The following GABBR2 variants were observed in gnomAD, a reference collection of about 807,000 sequenced individuals.
The protein encoded by GABBR2 is G-protein coupled receptor 51.
GABBR2 carries 23 observed loss-of-function variants against 105.6 expected under a neutral mutation model. That is an observed-to-expected ratio of 0.22 (90% CI 0.16 to 0.31). GABBR2 has a LOEUF of 0.31. Among genes scored for constraint, GABBR2 ranks in the 10% least tolerant of loss-of-function variants. GABBR2 has a pLI of 1.00. For missense variants in GABBR2, 734 were observed against 1,245.5 expected, an observed-to-expected ratio of 0.59 and a Z score of 6.18; for synonymous variants, 478 against 499.7, an observed-to-expected ratio of 0.96 and a Z score of 0.58.
At chr9:98,541,833 A>T (rs541985627) in intron 3 of GABBR2, 40 bp downstream of exon 3, 1 of 1,592,460 alleles carries the variant, frequency 6.3e-7, no homozygotes, top group East Asian at 2.2e-5. Flanking sequence ...TGACAGCAGC[A>T]AGCAGTAAGG....
chr9:98,586,282 TTC>T (rs1829074669), intron 1 of GABBR2, among the ~76,000 whole-genome samples: 1 of 136,682 alleles, frequency 7.3e-6, no homozygotes, highest in Non-Finnish European at 1.6e-5. Context: ...TCTCTTTTCT[TTC>T]TTTTTTTTTT....
chr9:98,669,680 G>A (rs956996701), intron 1 of GABBR2, among the ~76,000 whole-genome samples: 1 of 152,020 alleles, frequency 6.6e-6, no homozygotes, highest in African/African-American at 2.4e-5. Flanking sequence ...TAGGAAAATG[G>A]CAGAACATTA....
intron 3 of GABBR2, among the ~76,000 whole-genome samples, chr9:98,535,247 G>A (rs1177039441): frequency 1.2e-4 from 19 of 152,022 alleles, no homozygotes; most frequent in African/African-American, 3.6e-4. Context: ...ACAGGCGCCC[G>A]CTACCATGCC....
intron 6 of GABBR2, among the ~76,000 whole-genome samples, chr9:98,456,023 C>G (rs1394076933): frequency 6.6e-6 from 1 of 152,174 alleles, no homozygotes; most frequent in Non-Finnish European, 1.5e-5. Flanking sequence ...GAAACTCCCC[C>G]CAAATCCCAG....
chr9:98,437,426 C>A (rs2131582489), intron 7 of GABBR2, among the ~76,000 whole-genome samples: 1 of 151,774 alleles, frequency 6.6e-6, no homozygotes, highest in East Asian at 1.9e-4. Flanking sequence ...TCCATCCACC[C>A]ACCCACCTGT....
Position 98,454,545 on chromosome 9 carries a change from T to G in GABBR2, c.1000-328A>C, listed in dbSNP as rs1313006256. Among the ~76,000 whole-genome samples, 1 of 152,166 alleles carries G rather than the reference T, an allele frequency of 6.6e-6. No homozygotes were observed. Among genetic ancestry groups the G allele is most frequent in the Non-Finnish European group, 1.5e-5 (1 of 68,026 alleles). On this transcript the variant is annotated intron_variant, in intron 6 of 18. Transcript: ENST00000259455. The surrounding 1 kb of genome is among the most constrained non-coding windows in gnomAD (Gnocchi z 4.6). ...CCTAACCAGGCCTTTGCCTCTAAAC[T>G]TGCAGGGCCTGGGGTGAGGTAGAGG...
At chr9:98,327,870 AAAAAT>A (rs796455086) in intron 13 of GABBR2, among the ~76,000 whole-genome samples, 13 of 151,066 alleles carry the variant, frequency 8.6e-5, no homozygotes, top group African/African-American at 2.9e-4. Flanking sequence ...CTGTCTCAAA[AAAAAT>A]AAAATAAAAT....
intron 11 of GABBR2, among the ~76,000 whole-genome samples, chr9:98,380,777 T>A (rs901539873): frequency 6.6e-6 from 1 of 152,162 alleles, no homozygotes; most frequent in Non-Finnish European, 1.5e-5. Context: ...TGTGGGTGAA[T>A]CTGTGTGCAC....
At chr9:98,521,105 G>A (rs1827855689) in intron 3 of GABBR2, among the ~76,000 whole-genome samples, 1 of 152,174 alleles carries the variant, frequency 6.6e-6, no homozygotes, top group Non-Finnish European at 1.5e-5. Flanking sequence ...AAGCACAGAT[G>A]TCCAACTCCC....
At chr9:98,582,851 C>T (rs940941924) in intron 1 of GABBR2, among the ~76,000 whole-genome samples, 16 of 152,166 alleles carry the variant, frequency 1.1e-4, no homozygotes, top group African/African-American at 3.9e-4. Context: ...GTGTGAAATC[C>T]CAACATCTAG....
At position 98,684,169 on chromosome 9, in the gene GABBR2, T is replaced by TTAAAAAAAAAAAAAA. The variant is rs376323708; in HGVS notation, c.321+24247_321+24248insTTTTTTTTTTTTTTA. ...AAAAGAAGAATGCATTTTACCACGG[T>TTAAAAAAAAAAAAAA]AAAAAAAAAAAAAAAAAAAAAAAAA... On this transcript the variant is annotated intron_variant, in intron 1 of 18. Coordinates refer to ENST00000259455, the MANE Select transcript of GABBR2 (RefSeq NM_005458.8). 2.4e-4 allele frequency among the ~76,000 whole-genome samples: 16 copies of TTAAAAAAAAAAAAAA among 66,138 alleles called. 2 individuals carry two copies. Among genetic ancestry groups the TTAAAAAAAAAAAAAA allele is most frequent in the South Asian group, 1.0e-3 (2 of 1,952 alleles). The allele number at this position is 66,138 out of a possible 152,430, so 43.4% of individuals were successfully genotyped here.
At chr9:98,526,468 A>G (rs1052296621) in intron 3 of GABBR2, among the ~76,000 whole-genome samples, 1 of 152,112 alleles carries the variant, frequency 6.6e-6, no homozygotes, top group Non-Finnish European at 1.5e-5. Flanking sequence ...CTGCCCAAAC[A>G]TCACCTCTTT....
intron 8 of GABBR2, among the ~76,000 whole-genome samples, chr9:98,395,764 T>C (rs1451089216): frequency 6.6e-6 from 1 of 151,072 alleles, no homozygotes; most frequent in Non-Finnish European, 1.5e-5. Flanking sequence ...ATGAAGCAGA[T>C]TTAGGGAAAG....
chr9:98,356,990 AT>A (rs1477342993), intron 13 of GABBR2, among the ~76,000 whole-genome samples: 1 of 152,250 alleles, frequency 6.6e-6, no homozygotes, highest in Non-Finnish European at 1.5e-5. Flanking sequence ...ACTATATGAC[AT>A]TCTGGAAAAG....
At chr9:98,643,657 G>A (rs1460086750) in intron 1 of GABBR2, among the ~76,000 whole-genome samples, 1 of 152,130 alleles carries the variant, frequency 6.6e-6, no homozygotes, top group Non-Finnish European at 1.5e-5. Flanking sequence ...ATTTTCCTTG[G>A]GGAACTGCCC....
At chr9:98,310,057 C>T (rs1399849334) in intron 14 of GABBR2, among the ~76,000 whole-genome samples, 1 of 152,132 alleles carries the variant, frequency 6.6e-6, no homozygotes, top group Non-Finnish European at 1.5e-5. Context: ...GGTGACTTAA[C>T]CTCCCTGTGG....
At chr9:98,311,427 T>C (rs1169058765) in intron 13 of GABBR2, among the ~76,000 whole-genome samples, 2 of 152,186 alleles carry the variant, frequency 1.3e-5, no homozygotes, top group Non-Finnish European at 2.9e-5. Context: ...TGCACTCCAG[T>C]TCTCTGCATA....
intron 6 of GABBR2, among the ~76,000 whole-genome samples, chr9:98,464,213 C>A (rs1826491544): frequency 6.6e-6 from 1 of 150,604 alleles, no homozygotes. Flanking sequence ...GGCCACCCAT[C>A]ATCTGGGATG....
Position 98,648,116 on chromosome 9 carries a change from T to TGTGTGTGTGTATAGATAGATAG in GABBR2, c.321+60300_321+60301insCTATCTATCTATACACACACAC. Among the ~76,000 whole-genome samples the TGTGTGTGTGTATAGATAGATAG allele has an allele frequency of 7.9e-3, 442 of 55,906 alleles. 4 individuals carry two copies. Among genetic ancestry groups the TGTGTGTGTGTATAGATAGATAG allele is most frequent in the African/African-American group, 0.015 (222 of 14,566 alleles). 36.7% of individuals were successfully genotyped at this position (55,906 alleles called of 152,430 possible). ...GTGTGTGTGTGTGTGTGTGTGTGTGTATAGATAGATAGATAGATAGATAGA... is the reference window on the plus strand; with the variant it reads ...GTGTGTGTGTGTGTGTGTGTGTGTGTGTGTGTGTGTATAGATAGATAGATAGATAGATAGATAGATAGATAGA... On this transcript the variant is annotated intron_variant, in intron 1 of 18. Coordinates refer to ENST00000259455, the MANE Select transcript of GABBR2 (RefSeq NM_005458.8).
Sources: allele counts gnomAD v4.1 joint callset (sites outside exome capture counted in the v4.1 genomes callset), GRCh38; gene constraint gnomAD v4.1.1; non-coding constraint Gnocchi (gnomAD v3.1); transcripts MANE v1.5; gene names NCBI Gene and HGNC (gene_info 2026-07-23, HGNC 2026-07-21).